The following PPL variants were observed in gnomAD, a reference collection of about 807,000 sequenced individuals.
PPL encodes periplakin, also known as 190 kDa paraneoplastic pemphigus antigen.
PPL carries 198 observed loss-of-function variants against 194.4 expected under a neutral mutation model. The ratio of observed to expected loss-of-function variants is 1.02; its 90% CI spans 0.91 to 1.15. The LOEUF (loss-of-function observed/expected upper bound fraction) is 1.15, where lower values mean the gene tolerates loss of function less well. Among genes scored for constraint, PPL ranks in the 50% most tolerant of loss-of-function variants. PPL has a pLI of 0.00. For missense variants in PPL, 2,885 were observed against 2,294.8 expected (o/e 1.26, Z -5.25); for synonymous variants, 1,220 against 972.4 (o/e 1.25, Z -4.74).
At chr16:4,895,213 C>A in intron 11 of PPL, 48 bp downstream of exon 11, 1 of 1,535,728 alleles carries the variant, frequency 6.5e-7, no homozygotes, top group Non-Finnish European at 8.8e-7. Context: ...AACCATGTTA[C>A]CCCAAAAACT....
At chr16:4,913,769 G>A (rs1003961282) in intron 1 of PPL, among the ~76,000 whole-genome samples, 1 of 152,202 alleles carries the variant, frequency 6.6e-6, no homozygotes, top group Non-Finnish European at 1.5e-5. Flanking sequence ...CACCCAGTTA[G>A]CCAGCGATGA....
In PPL at chr16:4,899,042, C is replaced by T. The variant is rs1250463099; in HGVS notation, c.847G>A (p.Ala283Thr). ...ATGGAGTTCCTCCCGGGGTGCTCGG[C>T]CGCCAGCAGCTGGTCGCCCTCGCTG... ...LHSEGDQLLAAEHPGRNSIEA... is the reference protein window; with the variant it reads ...LHSEGDQLLATEHPGRNSIEA... The change falls in exon 8 of 22, where the codon GCC becomes ACC. Residue 283 changes from alanine (A) to threonine (T), a missense_variant. By Grantham distance (58) the Ala-to-Thr change is moderately conservative. Transcript: ENST00000345988. 2 of 1,573,046 alleles carry T rather than the reference C, an allele frequency of 1.3e-6. No individual in the cohort carries two copies. The highest frequency in any genetic ancestry group is 2.7e-5 in the African/African-American group (2 of 73,494).
chr16:4,910,986 C>T (rs374570514), intron 1 of PPL, 37 bp from the exon 2 acceptor site: 3 of 1,564,864 alleles, frequency 1.9e-6, no homozygotes, highest in Non-Finnish European at 2.6e-6. Context: ...GGCGGGGTGC[C>T]TGGTGGGTGG....
At chr16:4,890,555 A>G (rs1309655407) in intron 17 of PPL, among the ~76,000 whole-genome samples, 173 bp downstream of exon 17, 2 of 152,242 alleles carry the variant, frequency 1.3e-5, no homozygotes, top group Admixed American at 1.3e-4. Flanking sequence ...TGTGGATTAC[A>G]GGACCCAGGT....
At chr16:4,910,156 T>C (rs1480629334) in intron 2 of PPL, among the ~76,000 whole-genome samples, 2 of 152,172 alleles carry the variant, frequency 1.3e-5, no homozygotes, top group Admixed American at 6.5e-5. Flanking sequence ...GGGCAGTTGT[T>C]ATCCCCATGT....
At chr16:4,914,719 G>A (rs560035687) in intron 1 of PPL, among the ~76,000 whole-genome samples, 1 of 152,306 alleles carries the variant, frequency 6.6e-6, no homozygotes, top group African/African-American at 2.4e-5. Flanking sequence ...GACAAGTCCT[G>A]CAGTGGAGAA....
chr16:4,907,225 G>A (rs953583716), intron 2 of PPL, among the ~76,000 whole-genome samples: 7 of 151,732 alleles, frequency 4.6e-5, no homozygotes, highest in Non-Finnish European at 8.8e-5. Context: ...TTGCGCCACT[G>A]CACTCCAGCC....
rs923928496 is a variant in PPL, at chr16:4,885,757, C to T, written c.2898G>A (p.Leu966=). 1 of 1,612,392 alleles carries T rather than the reference C, an allele frequency of 6.2e-7. No homozygotes were observed. Among genetic ancestry groups the T allele is most frequent in the African/African-American group, 1.3e-5 (1 of 74,934 alleles). The change falls in exon 22 of 22, where the codon CTG becomes CTA. Residue 966 remains leucine (L), a synonymous_variant. Transcript: ENST00000345988. This position sits in a 1 kb window ranked among gnomAD's most constrained non-coding sequence, Gnocchi z 6.3. ...GCAGTGCCTCCAGCTCCTCCTGCAGCAGCTGGTTCTTGTGCTGCTCCTCTG... is the reference window on the plus strand; with the variant it reads ...GCAGTGCCTCCAGCTCCTCCTGCAGTAGCTGGTTCTTGTGCTGCTCCTCTG... ...TLAEEQHKNQ[L]LQEELEALQL...
At chr16:4,935,198 C>T (rs1254048439) in intron 1 of PPL, among the ~76,000 whole-genome samples, 1 of 152,192 alleles carries the variant, frequency 6.6e-6, no homozygotes, top group Non-Finnish European at 1.5e-5. Flanking sequence ...CTTTCATCCT[C>T]ATGCTTCTGG....
At chr16:4,891,691 C>T (rs1377984235) in intron 16 of PPL, 120 bp downstream of exon 16, 37 of 1,309,806 alleles carry the variant, frequency 2.8e-5, no homozygotes, top group Middle Eastern at 2.1e-4. Flanking sequence ...CCAATTTGGG[C>T]ATTCCAAACC....
chr16:4,933,429 T>C (rs2939960), intron 1 of PPL, among the ~76,000 whole-genome samples: 135,922 of 152,112 alleles, frequency 0.89, 61,016 homozygotes, highest in Middle Eastern at 0.95. Flanking sequence ...GGCTCAGGGA[T>C]GCTATGTTTC....
chr16:4,935,295 C>T (rs759201), intron 1 of PPL, among the ~76,000 whole-genome samples: 1 of 152,084 alleles, frequency 6.6e-6, no homozygotes, highest in Non-Finnish European at 1.5e-5. Context: ...GAGAGCTGCA[C>T]GAAGGAGGGA....
chr16:4,929,748 A>G (rs1416630577), intron 1 of PPL, among the ~76,000 whole-genome samples: 2 of 152,046 alleles, frequency 1.3e-5, no homozygotes, highest in Non-Finnish European at 2.9e-5. Flanking sequence ...GTGCAGTGGC[A>G]CAATCACAGC....
chr16:4,899,303 C>T lies in PPL; in HGVS notation c.688G>A (p.Asp230Asn), dbSNP rs2142360303. 3.1e-6 allele frequency: 5 copies of T among 1,613,768 alleles called. No individual in the cohort carries two copies. The highest frequency in any genetic ancestry group is 1.1e-5 in the South Asian group (1 of 91,080). ...QRCTNELYWL[D>N]QQAKGRMQYD... is the part of the protein sequence containing the mutation. The stretch of plus-strand genomic sequence containing the variant: ...TGCATGCGGCCCTTGGCCTGCTGGT[C>T]CAGCCAGTACAGCTCATTGGTGCAG... Residue 230 changes from aspartate to asparagine, a missense_variant, in exon 7 of 22, where the codon GAC (aspartate) becomes AAC (asparagine). Coordinates refer to ENST00000345988, the MANE Select transcript of PPL (RefSeq NM_002705.5).
chr16:4,936,704 C>A (rs997579953), intron 1 of PPL, among the ~76,000 whole-genome samples: 13 of 152,290 alleles, frequency 8.5e-5, no homozygotes, highest in Middle Eastern at 3.4e-3. Flanking sequence ...GCTCAGCTGC[C>A]CGTGCCCTAG....
intron 8 of PPL, among the ~76,000 whole-genome samples, chr16:4,898,102 G>A (rs892060088): frequency 2.0e-5 from 3 of 152,324 alleles, no homozygotes; most frequent in African/African-American, 2.4e-5. Flanking sequence ...CCCTGGCCAG[G>A]CATGGTGGCT....
In PPL at chr16:4,886,386, A is replaced by C. The variant is rs1211843160; in HGVS notation, c.2608-339T>G. On this transcript the variant is annotated intron_variant, in intron 21 of 21. Transcript: ENST00000345988. ...TGTCTGTAGTATGTACCATGTGTTT[A>C]TCTCTCCTGCACAAATGGTATTCCT... Among the ~76,000 whole-genome samples, 4 of 152,190 alleles carry C rather than the reference A, an allele frequency of 2.6e-5. No homozygotes were observed. In the East Asian group the frequency reaches 5.8e-4, roughly 22 times the overall value.
chr16:4,896,906 A>G (rs2088440917), intron 9 of PPL, among the ~76,000 whole-genome samples: 1 of 151,966 alleles, frequency 6.6e-6, no homozygotes, highest in Non-Finnish European at 1.5e-5. Context: ...GAGTGCTGGA[A>G]TTACAGACAT....
intron 4 of PPL, among the ~76,000 whole-genome samples, chr16:4,901,756 G>A (rs147255257): frequency 0.045 from 6,873 of 151,172 alleles, 268 homozygotes; most frequent in African/African-American, 0.1. Flanking sequence ...CCTGGCCAAT[G>A]TGGCAAAGCC....
Sources: allele counts gnomAD v4.1 joint callset (sites outside exome capture counted in the v4.1 genomes callset), GRCh38; gene constraint gnomAD v4.1.1; non-coding constraint Gnocchi (gnomAD v3.1); transcripts MANE v1.5; gene names NCBI Gene and HGNC (gene_info 2026-07-23, HGNC 2026-07-21).